The following FSTL4 variants were observed in gnomAD, a reference collection of about 807,000 sequenced individuals.
FSTL4 encodes follistatin-related protein 4.
Under a neutral mutation model 78.2 loss-of-function variants are expected in FSTL4, and 28 were observed. The observed-to-expected ratio is 0.36, with a 90% CI of 0.27 to 0.49. The LOEUF is 0.49. Ranked by LOEUF, FSTL4 falls within the 20% of genes least tolerant of loss-of-function variation. The pLI is 0.98. For missense variants in FSTL4, 922 were observed against 1,084.9 expected (o/e 0.85, Z 2.11); for synonymous variants, 422 against 440.5 (o/e 0.96, Z 0.53).
intron 14 of FSTL4, among the ~76,000 whole-genome samples, chr5:133,205,945 C>T (rs1364038314): frequency 1.3e-5 from 2 of 152,112 alleles, no homozygotes; most frequent in African/African-American, 2.4e-5. Context: ...TAGCGCAACC[C>T]CACAAAACAT....
At chr5:133,340,261 C>G (rs1035060358) in intron 4 of FSTL4, among the ~76,000 whole-genome samples, 1 of 152,158 alleles carries the variant, frequency 6.6e-6, no homozygotes, top group Non-Finnish European at 1.5e-5. Flanking sequence ...AGGAGCACCC[C>G]GGATGGCAGA....
intron 3 of FSTL4, among the ~76,000 whole-genome samples, chr5:133,482,634 C>T (rs1350772869): frequency 2.0e-5 from 3 of 152,220 alleles, no homozygotes. Context: ...GGGGCCCCAG[C>T]TATGGTGAGA....
intron 2 of FSTL4, among the ~76,000 whole-genome samples, chr5:133,572,856 T>C (rs557183228): frequency 6.6e-6 from 1 of 152,038 alleles, no homozygotes; most frequent in Non-Finnish European, 1.5e-5. Context: ...AAAGAAGACA[T>C]GAAAGGCAGA....
chr5:133,481,599 C>T (rs1244572725), intron 3 of FSTL4, among the ~76,000 whole-genome samples: 2 of 150,336 alleles, frequency 1.3e-5, no homozygotes, highest in South Asian at 4.2e-4. Flanking sequence ...CACAGGTAGT[C>T]AGCTGCTCAG....
At chr5:133,623,723 G>A in the FSTL4 span, among the ~76,000 whole-genome samples, 1 of 152,042 alleles carries the variant, frequency 6.6e-6, no homozygotes, top group African/African-American at 2.4e-5. Flanking sequence ...CAGACTAAGA[G>A]AAAATATTTG....
intron 6 of FSTL4, among the ~76,000 whole-genome samples, chr5:133,298,892 C>T (rs1452311982): frequency 6.6e-6 from 1 of 152,230 alleles, no homozygotes; most frequent in South Asian, 2.1e-4. Flanking sequence ...ACTGAGGCCC[C>T]GGCCAGAGCC....
At chr5:133,228,568 G>C (rs1751401701) in intron 8 of FSTL4, among the ~76,000 whole-genome samples, 1 of 152,200 alleles carries the variant, frequency 6.6e-6, no homozygotes, top group Admixed American at 6.5e-5. Flanking sequence ...AGAACATACT[G>C]TGGGCAAGGG....
chr5:133,513,132 T>C (rs1758770565), intron 3 of FSTL4, among the ~76,000 whole-genome samples: 1 of 152,178 alleles, frequency 6.6e-6, no homozygotes, highest in South Asian at 2.1e-4. Flanking sequence ...GGATAAGATT[T>C]TCTAGTATCT....
chr5:133,687,461 C>G, the FSTL4 span, among the ~76,000 whole-genome samples: 1 of 152,114 alleles, frequency 6.6e-6, no homozygotes, highest in African/African-American at 2.4e-5. Flanking sequence ...GTGATAAGCT[C>G]CTCAGCCCGG....
chr5:133,241,614 C>T (rs1378956242), intron 7 of FSTL4, among the ~76,000 whole-genome samples: 1 of 152,208 alleles, frequency 6.6e-6, no homozygotes, highest in African/African-American at 2.4e-5. Context: ...TGGTGAGGTG[C>T]AGGCCTGAGC....
intron 8 of FSTL4, among the ~76,000 whole-genome samples, chr5:133,231,973 A>T (rs1313603788): frequency 1.5e-4 from 23 of 152,270 alleles, no homozygotes; most frequent in African/African-American, 5.3e-4. Flanking sequence ...AGGCACAGTC[A>T]CGAAAGTAGC....
chr5:133,784,017 G>A, the FSTL4 span, among the ~76,000 whole-genome samples: 1 of 152,124 alleles, frequency 6.6e-6, no homozygotes, highest in South Asian at 2.1e-4. Flanking sequence ...CCACTTACTA[G>A]TTCTATGACC....
At chr5:133,298,413 T>C (rs1180509413) in intron 6 of FSTL4, among the ~76,000 whole-genome samples, 1 of 152,216 alleles carries the variant, frequency 6.6e-6, no homozygotes, top group African/African-American at 2.4e-5. Context: ...CTGTGGGCCC[T>C]GGACTAGTTT....
At chr5:133,240,857 G>A (rs145805155) in intron 7 of FSTL4, among the ~76,000 whole-genome samples, 9 of 152,304 alleles carry the variant, frequency 5.9e-5, no homozygotes, top group African/African-American at 2.2e-4. Flanking sequence ...ATATTACCCA[G>A]GGAGGTCTGG....
chr5:133,555,732 G>T (rs1191366406), intron 3 of FSTL4, among the ~76,000 whole-genome samples: 3 of 152,096 alleles, frequency 2.0e-5, no homozygotes, highest in African/African-American at 7.2e-5. Flanking sequence ...TTCTGAGCAG[G>T]AGATTAGATC....
At chr5:133,385,063 C>T (rs541202708) in intron 4 of FSTL4, among the ~76,000 whole-genome samples, 1 of 152,158 alleles carries the variant, frequency 6.6e-6, no homozygotes, top group Non-Finnish European at 1.5e-5. Flanking sequence ...TGTCGCGCTC[C>T]CCACCCTGGT....
chr5:133,651,238 G>T, the FSTL4 span, among the ~76,000 whole-genome samples: 1 of 151,676 alleles, frequency 6.6e-6, no homozygotes, highest in Non-Finnish European at 1.5e-5. Flanking sequence ...TCCCTTTCTT[G>T]TCTTATTGCA....
At chr5:133,735,711 G>A in the FSTL4 span, among the ~76,000 whole-genome samples, 6 of 151,940 alleles carry the variant, frequency 3.9e-5, no homozygotes, top group Admixed American at 1.3e-4. Context: ...CAAGCAATGC[G>A]AGGCCTCTGC....
At chr5:133,823,389 C>A in the FSTL4 span, among the ~76,000 whole-genome samples, 3 of 152,204 alleles carry the variant, frequency 2.0e-5, no homozygotes, top group Non-Finnish European at 4.4e-5. Context: ...CAGAATCTCT[C>A]CCCAGCCCTG....
Sources: gnomAD v4.1 joint callset for allele counts (sites outside exome capture counted in the v4.1 genomes callset) on GRCh38, gnomAD v4.1.1 for gene constraint, MANE v1.5 for transcripts, NCBI Gene and HGNC (gene_info 2026-07-23, HGNC 2026-07-21) for gene names.